The following PHKA2 variants were observed in gnomAD, a reference collection of about 807,000 sequenced individuals.
PHKA2 encodes the protein phosphorylase b kinase regulatory subunit alpha, liver isoform.
Under a neutral mutation model 102.0 loss-of-function variants are expected in PHKA2, and 31 were observed. The ratio of observed to expected loss-of-function variants is 0.30; its 90% CI spans 0.23 to 0.41. The LOEUF (loss-of-function observed/expected upper bound fraction) is 0.41, where lower values mean the gene tolerates loss of function less well. Ranked by LOEUF, PHKA2 falls within the 10% of genes least tolerant of loss-of-function variation. The pLI is 1.00. For missense variants in PHKA2, 858 were observed against 1,023.1 expected, an observed-to-expected ratio of 0.84 and a Z score of 2.20; for synonymous variants, 455 against 416.2, an observed-to-expected ratio of 1.09 and a Z score of -1.13.
chrX:18,920,879 C>T (rs1487656701), intron 17 of PHKA2, among the ~76,000 whole-genome samples: 3 of 112,334 alleles, frequency 2.7e-5, no homozygotes, highest in Non-Finnish European at 3.8e-5. Flanking sequence ...AAAGGTTACA[C>T]CGGGGGAGCA....
intron 16 of PHKA2, 61 bp downstream of exon 16, chrX:18,924,320 T>C (rs1236037291): frequency 8.6e-7 from 1 of 1,168,708 alleles, no homozygotes; most frequent in Non-Finnish European, 1.2e-6. Flanking sequence ...ATTTTAAACA[T>C]TTGTAAGAGC....
intron 30 of PHKA2, chrX:18,896,475 G>A (rs1282801294): frequency 1.8e-5 from 2 of 113,468 alleles, no homozygotes; most frequent in African/African-American, 3.2e-5. Context: ...TGAGGGGAGT[G>A]GGGCCCCAGG....
chrX:18,951,043 C>T (rs2048675482), intron 4 of PHKA2, 61 bp downstream of exon 4: 1 of 1,124,340 alleles, frequency 8.9e-7, no homozygotes, highest in South Asian at 1.8e-5. Context: ...ACCTGTCCTC[C>T]TCCCACCCCT....
intron 18 of PHKA2, among the ~76,000 whole-genome samples, chrX:18,919,763 A>G (rs1305649271): frequency 9.3e-6 from 1 of 107,016 alleles, no homozygotes; most frequent in Non-Finnish European, 1.9e-5. Context: ...AGAGAGAAGA[A>G]AAAAAAGAAA....
chrX:18,959,739 A>T (rs2048841742), intron 1 of PHKA2, among the ~76,000 whole-genome samples: 1 of 111,504 alleles, frequency 9.0e-6, no homozygotes, highest in Non-Finnish European at 1.9e-5. Context: ...AGGTGACCTG[A>T]TGTAGAGTCA....
At chrX:18,957,188 G>A (rs954018431) in intron 1 of PHKA2, among the ~76,000 whole-genome samples, 2 of 112,792 alleles carry the variant, frequency 1.8e-5, no homozygotes, top group African/African-American at 6.4e-5. Flanking sequence ...ACAGGCAAGA[G>A]CCACCGCACC....
chrX:18,909,397 T>C (rs947657583), intron 20 of PHKA2, among the ~76,000 whole-genome samples: 1 of 111,942 alleles, frequency 8.9e-6, no homozygotes, highest in Non-Finnish European at 1.9e-5. Context: ...GTTGAAAACA[T>C]TGGAAAAATT....
At chrX:18,919,450 A>G (rs1010995185) in intron 18 of PHKA2, among the ~76,000 whole-genome samples, 3 of 111,345 alleles carry the variant, frequency 2.7e-5, no homozygotes, top group Non-Finnish European at 5.7e-5. Flanking sequence ...CATGCCTGTA[A>G]TCCCAGCACT....
At chrX:18,920,600 G>A (rs998332221) in intron 17 of PHKA2, among the ~76,000 whole-genome samples, 3 of 112,040 alleles carry the variant, frequency 2.7e-5, no homozygotes, top group African/African-American at 9.7e-5. Context: ...GGGCACACTC[G>A]TTCCATTATT....
At chrX:18,929,040 G>A (rs978974757) in intron 13 of PHKA2, among the ~76,000 whole-genome samples, 188 bp downstream of exon 13, 4 of 112,630 alleles carry the variant, frequency 3.6e-5, no homozygotes, top group Non-Finnish European at 7.5e-5. Context: ...GTCATTTTGT[G>A]GTTGGGAAGA....
intron 10 of PHKA2, among the ~76,000 whole-genome samples, chrX:18,936,565 G>A (rs1413849086): frequency 2.7e-5 from 3 of 112,088 alleles, no homozygotes; most frequent in South Asian, 3.7e-4. Context: ...CTCAGTAACC[G>A]GATTATAAAC....
intron 18 of PHKA2, 146 bp from the exon 19 acceptor site, chrX:18,919,000 C>T: frequency 1.9e-6 from 1 of 527,211 alleles, no homozygotes; most frequent in Non-Finnish European, 3.4e-6. Flanking sequence ...TCCCACTCAC[C>T]CCTGAAGAGT....
intron 1 of PHKA2, among the ~76,000 whole-genome samples, chrX:18,959,354 C>T (rs2048832396): frequency 8.9e-6 from 1 of 111,799 alleles, no homozygotes; most frequent in Admixed American, 9.5e-5. Flanking sequence ...CATATAATTA[C>T]AATAATTTCA....
At chrX:18,916,327 ATCGCTTGAACCCAGGAGGC>A (rs1184124942) in intron 19 of PHKA2, among the ~76,000 whole-genome samples, 2 of 111,729 alleles carry the variant, frequency 1.8e-5, no homozygotes, top group African/African-American at 3.3e-5. Context: ...AGGCAGGAGA[ATCGCTTGAACCCAGGAGGC>A]TCGCTTGAAC....
chrX:18,980,036 GT>G lies in PHKA2; in HGVS notation c.78+3818del, dbSNP rs1353372938. On this transcript the variant is annotated intron_variant, in intron 1 of 32. Transcript: ENST00000379942. ...CCCAACCTTGAGCTCACAAAAACATGTGTTGTATGCAATCAAGGTTTAAGGG... is the reference window on the plus strand; with the variant it reads ...CCCAACCTTGAGCTCACAAAAACATGGTTGTATGCAATCAAGGTTTAAGGG... 3.6e-5 allele frequency among the ~76,000 whole-genome samples: 4 copies of G among 112,550 alleles called. No individual in the cohort carries two copies. In the Admixed American group the frequency reaches 3.8e-4, roughly 11 times the overall value.
intron 11 of PHKA2, among the ~76,000 whole-genome samples, chrX:18,933,439 G>A (rs757877105): frequency 8.9e-6 from 1 of 112,989 alleles, no homozygotes; most frequent in Non-Finnish European, 1.9e-5. Context: ...CCTGGTGCCT[G>A]GCACGGAGTG....
chrX:18,950,525 G>GT (rs1418923346), intron 4 of PHKA2, among the ~76,000 whole-genome samples: 1 of 112,659 alleles, frequency 8.9e-6, no homozygotes, highest in East Asian at 2.8e-4. Context: ...CAGGTGGAGG[G>GT]TGACTGTCCT....
intron 1 of PHKA2, among the ~76,000 whole-genome samples, chrX:18,968,296 T>TA (rs1262055012): frequency 8.9e-6 from 1 of 112,106 alleles, no homozygotes; most frequent in Non-Finnish European, 1.9e-5. Context: ...ATTAACATTT[T>TA]AAAAAATCTC....
At chrX:18,906,380 G>T in intron 25 of PHKA2, 115 bp downstream of exon 25, 1 of 957,912 alleles carries the variant, frequency 1.0e-6, no homozygotes, top group African/African-American at 1.9e-5. Flanking sequence ...GCTTGCCACA[G>T]GCTTGGATGC....
Sources: allele counts gnomAD v4.1 joint callset (sites outside exome capture counted in the v4.1 genomes callset), GRCh38; gene constraint gnomAD v4.1.1; transcripts MANE v1.5; gene names NCBI Gene and HGNC (gene_info 2026-07-23, HGNC 2026-07-21).